Variants in CFAP210 observed in about 807,000 individuals in gnomAD.
CFAP210 encodes cilia and flagella associated protein 210, also known as cilia- and flagella- associated protein 210.
chr2:169,694,114 G>T, the CFAP210 span: 4 of 770,006 alleles, frequency 5.2e-6, no homozygotes, highest in Non-Finnish European at 9.1e-6. Context: ...TTCACACAGA[G>T]CCCAAAGATG....
the CFAP210 span, chr2:169,650,329 C>T: frequency 3.2e-6 from 5 of 1,574,818 alleles, no homozygotes; most frequent in African/African-American, 1.4e-5. Context: ...AATTGTTTAC[C>T]ACAATGGCTC....
At chr2:169,649,011 C>T in the CFAP210 span, among the ~76,000 whole-genome samples, 1 of 152,170 alleles carries the variant, frequency 6.6e-6, no homozygotes, top group Non-Finnish European at 1.5e-5. Context: ...CACATGGGAA[C>T]TTCACTGGAG....
the CFAP210 span, among the ~76,000 whole-genome samples, chr2:169,662,946 G>T: frequency 2.0e-5 from 3 of 152,314 alleles, no homozygotes; most frequent in South Asian, 6.2e-4. Context: ...GAGCCTCCCT[G>T]GCTATCTTTC....
At chr2:169,656,299 G>GGAA in the CFAP210 span, among the ~76,000 whole-genome samples, 1 of 150,676 alleles carries the variant, frequency 6.6e-6, no homozygotes, top group Non-Finnish European at 1.5e-5. Context: ...CAAAAAAAGA[G>GGAA]GAAGAGGAAG....
the CFAP210 span, among the ~76,000 whole-genome samples, chr2:169,677,022 G>T: frequency 7.2e-5 from 11 of 152,190 alleles, 1 homozygote; most frequent in Non-Finnish European, 1.5e-4. Flanking sequence ...TCATGCATAA[G>T]GAGCTAAACT....
chr2:169,679,848 T>C, the CFAP210 span, among the ~76,000 whole-genome samples: 1 of 152,100 alleles, frequency 6.6e-6, no homozygotes, highest in African/African-American at 2.4e-5. Context: ...CTTTGTGACA[T>C]TAGATTAGGT....
chr2:169,654,343 C>A, the CFAP210 span: 2 of 747,082 alleles, frequency 2.7e-6, no homozygotes, highest in Admixed American at 3.1e-5. Context: ...GAAATTTTAT[C>A]CCAAAGAGAT....
At chr2:169,649,718 G>A in the CFAP210 span, among the ~76,000 whole-genome samples, 3 of 152,086 alleles carry the variant, frequency 2.0e-5, no homozygotes, top group South Asian at 2.1e-4. Context: ...CACCTCGGGA[G>A]GTCAGGAGTT....
chr2:169,674,659 A>G, the CFAP210 span: 1 of 1,609,274 alleles, frequency 6.2e-7, no homozygotes, highest in Non-Finnish European at 8.5e-7. Context: ...AAGCTTTTTC[A>G]ATGTTGAGTT....
chr2:169,691,269 A>T, the CFAP210 span, among the ~76,000 whole-genome samples: 119 of 152,136 alleles, frequency 7.8e-4, 2 homozygotes, highest in African/African-American at 2.7e-3. Context: ...CCTTTTTATA[A>T]TTTTTTTAAA....
chr2:169,676,279 G>A, the CFAP210 span, among the ~76,000 whole-genome samples: 1 of 151,680 alleles, frequency 6.6e-6, no homozygotes, highest in African/African-American at 2.4e-5. Context: ...TTTATAGACA[G>A]TCTTGCTGGT....
the CFAP210 span, among the ~76,000 whole-genome samples, chr2:169,691,429 A>G: frequency 6.6e-6 from 1 of 152,296 alleles, no homozygotes; most frequent in Non-Finnish European, 1.5e-5. Context: ...TGGGCTTACA[A>G]CAACTGCAAC....
chr2:169,671,401 C>T, the CFAP210 span, among the ~76,000 whole-genome samples: 37 of 152,322 alleles, frequency 2.4e-4, no homozygotes, highest in Non-Finnish European at 4.3e-4. Flanking sequence ...ACCCTCTACA[C>T]ATATTTGCCA....
chr2:169,658,483 C>G, the CFAP210 span: 1 of 152,862 alleles, frequency 6.5e-6, no homozygotes, highest in Non-Finnish European at 1.5e-5. Context: ...CAATAATTAG[C>G]TGCTGTAGGT....
At chr2:169,654,167 C>T in the CFAP210 span, 3 of 1,596,800 alleles carry the variant, frequency 1.9e-6, no homozygotes, top group South Asian at 2.3e-5. Context: ...CTTCCTCTTG[C>T]TGCTGCTGTT....
At chr2:169,647,012 G>C in the CFAP210 span, among the ~76,000 whole-genome samples, 2 of 151,956 alleles carry the variant, frequency 1.3e-5, no homozygotes, top group Admixed American at 6.6e-5. Context: ...ACCCAAACCT[G>C]ATATCTATCA....
At chr2:169,646,961 A>C in the CFAP210 span, among the ~76,000 whole-genome samples, 53 of 152,158 alleles carry the variant, frequency 3.5e-4, no homozygotes, top group Admixed American at 1.0e-3. Context: ...AATATTCATA[A>C]AAATATTTCT....
chr2:169,650,398 T>C, the CFAP210 span: 4 of 1,606,454 alleles, frequency 2.5e-6, no homozygotes, highest in Middle Eastern at 1.7e-4. Context: ...CTCTTTCTCT[T>C]TTTTCCCATT....
the CFAP210 span, chr2:169,694,310 C>T: frequency 4.3e-6 from 7 of 1,614,088 alleles, no homozygotes; most frequent in South Asian, 7.7e-5. Context: ...GTACCAGCAT[C>T]TCTGACGAGG....
Sources: gnomAD v4.1 joint callset for allele counts (sites outside exome capture counted in the v4.1 genomes callset) on GRCh38, gnomAD v4.1.1 for gene constraint, MANE v1.5 for transcripts, NCBI Gene and HGNC (gene_info 2026-07-23, HGNC 2026-07-21) for gene names.